The following ING1 variants were observed in gnomAD, a reference collection of about 807,000 sequenced individuals.
ING1 encodes inhibitor of growth protein 1.
ING1 carries 4 observed loss-of-function variants against 23.1 expected under a neutral mutation model. The observed-to-expected ratio is 0.17, with a 90% CI of 0.09 to 0.40. ING1 has a LOEUF of 0.40. Among genes scored for constraint, ING1 ranks in the 10% least tolerant of loss-of-function variants. The pLI, the probability that ING1 is intolerant of heterozygous loss-of-function variation, is 1.00. For synonymous variants in ING1, 179 were observed against 166.4 expected (o/e 1.08, Z -0.58); for missense variants, 256 against 393.8 (o/e 0.65, Z 2.96).
At position 110,722,103 on chromosome 13, in the gene ING1, A is replaced by G. The variant is rs2064176248; in HGVS notation, c.*2171A>G. The G allele has an allele frequency of 6.6e-6, 1 of 152,212 alleles. No homozygotes were observed. The highest frequency in any genetic ancestry group is 2.4e-5 in the African/African-American group (1 of 41,454). 9.4% of individuals were successfully genotyped at this position (152,212 alleles called of 1,614,324 possible). ...TGTGCTGGACATAAGTGTCTGTTTT[A>G]CAGTGAAATTCCATTATAGAGGGTT... On this transcript the variant is annotated 3_prime_UTR_variant, in exon 2 of 2. Coordinates refer to ENST00000333219, the MANE Select transcript of ING1 (RefSeq NM_198219.3).
Position 110,713,784 on chromosome 13 carries a change from C to T in ING1, c.-366C>T, listed in dbSNP as rs1417261447. 1.3e-5 allele frequency: 13 copies of T among 984,734 alleles called. No individual in the cohort carries two copies. The highest frequency in any genetic ancestry group is 8.7e-5 in the African/African-American group (5 of 57,180). 61.0% of individuals were successfully genotyped at this position (984,734 alleles called of 1,614,324 possible). On this transcript the variant is annotated 5_prime_UTR_variant, in exon 1 of 2. Coordinates refer to ENST00000333219, the MANE Select transcript of ING1 (RefSeq NM_198219.3). ...GCCCGCTCCGCTCCTCTCTTCTACC[C>T]AGCCCAGTGGGCGAGTGGGCAGCGG... is the stretch of plus-strand genomic sequence containing the variant.
intron 1 of ING1, among the ~76,000 whole-genome samples, chr13:110,718,778 TA>T (rs2064145005): frequency 6.6e-6 from 1 of 152,108 alleles, no homozygotes; most frequent in South Asian, 2.1e-4. Context: ...CATGTTTATA[TA>T]ATGTTATATG....
In ING1 at chr13:110,715,839, G is replaced by A. The variant is rs749939910; in HGVS notation, c.136+1554G>A. 2.5e-6 allele frequency: 4 copies of A among 1,589,522 alleles called. No individual in the cohort carries two copies. The East Asian group carries it at 6.7e-5, about 27-fold the overall frequency. ...CCCGGCCCCTCTCCCCGCTCAGCCC[G>A]GCCACTTTCGGGCGCGGATTTATAG... On this transcript the variant is annotated intron_variant, in intron 1 of 1. Coordinates refer to ENST00000333219, the MANE Select transcript of ING1 (RefSeq NM_198219.3).
chr13:110,713,881 C>T lies in ING1; in HGVS notation c.-269C>T. On this transcript the variant is annotated 5_prime_UTR_variant, in exon 1 of 2. Coordinates refer to ENST00000333219, the MANE Select transcript of ING1 (RefSeq NM_198219.3). ...CGCGCGGCCCCCGGCGCCAGCCCCG[C>T]CGCCTGAGAGGGGGCCTGCGCCGCC... The T allele has an allele frequency of 1.0e-6, 1 of 981,508 alleles. No homozygotes were observed. The highest frequency in any genetic ancestry group is 1.2e-6 in the Non-Finnish European group (1 of 828,376). The allele number at this position is 981,508 out of a possible 1,614,324, so 60.8% of individuals were successfully genotyped here.
In ING1 at chr13:110,719,503, G is replaced by A. The variant is rs1330053256; in HGVS notation, c.411G>A (p.Glu137=). 2.9e-5 allele frequency: 46 copies of A among 1,611,870 alleles called. No homozygotes were observed. The highest frequency in any genetic ancestry group is 3.8e-5 in the Non-Finnish European group (45 of 1,179,186). The change falls in exon 2 of 2, where the codon GAG becomes GAA. Residue 137 remains glutamate, a synonymous_variant. Transcript: ENST00000333219. The surrounding 1 kb of genome is among the most constrained non-coding windows in gnomAD (Gnocchi z 8.9). ...GKAGADRPKG[E]AAAQADKPNS... ...CTGGCGCGGACAGGCCCAAAGGCGA[G>A]GCGGCAGCGCAGGCTGACAAGCCCA...
upstream of ING1, chr13:110,713,065 G>A (rs1325885460): frequency 6.9e-7 from 1 of 1,454,272 alleles, no homozygotes; most frequent in East Asian, 2.5e-5. Context: ...GCCCGTGCCC[G>A]GCCCTCCCCT....
upstream of ING1, chr13:110,712,976 G>A: frequency 6.4e-7 from 1 of 1,558,152 alleles, no homozygotes; most frequent in African/African-American, 1.4e-5. Context: ...GCCGCGGAAT[G>A]GGTAGGTCTC....
At chr13:110,714,959 A>C (rs1331227591) in intron 1 of ING1, 15 of 972,216 alleles carry the variant, frequency 1.5e-5, no homozygotes, top group Non-Finnish European at 1.8e-5. Flanking sequence ...TGTGTGCCGT[A>C]GGGAAGGGAA....
chr13:110,715,519 G>C lies in ING1; in HGVS notation c.136+1234G>C, dbSNP rs142522461. The C allele has an allele frequency of 1.7e-4, 271 of 1,613,984 alleles. 2 individuals are homozygous for C. Among genetic ancestry groups the C allele is most frequent in the Non-Finnish European group, 2.1e-4 (245 of 1,180,006 alleles). On this transcript the variant is annotated intron_variant, in intron 1 of 1. Transcript: ENST00000333219. ...TGAGGCGGATGAAGGCGGGCCTAGC[G>C]CAATAACTGGTATGGGTCTGTGTTT...
In ING1 at chr13:110,721,122, C is replaced by CA. The variant is rs897304795; in HGVS notation, c.*1191dup. The stretch of plus-strand genomic sequence containing the variant: ...TTGTCTGACTGCTTTTGCAAAACGG[C>CA]AGAGTTCAATAGTTGCACCTGAAAC... On this transcript the variant is annotated 3_prime_UTR_variant, in exon 2 of 2. Transcript: ENST00000333219. 6.0e-6 allele frequency: 1 copy of CA among 166,590 alleles called. No individual in the cohort carries two copies. Among genetic ancestry groups the CA allele is most frequent in the Non-Finnish European group, 1.5e-5 (1 of 68,118 alleles). The allele number at this position is 166,590 out of a possible 1,614,324, so 10.3% of individuals were successfully genotyped here.
chr13:110,715,768 T>TC lies in ING1; in HGVS notation c.136+1486dup, dbSNP rs367936334. The TC allele has an allele frequency of 7.1e-4, 1,129 of 1,586,174 alleles. 10 individuals carry two copies. The African/African-American group carries it at 0.013, about 19-fold the overall frequency. ...CGGCTCTCGGGGTGCGGGGCGAGTC[T>TC]CCCGCTGGCCTCCTCCCCATTGGCT... On this transcript the variant is annotated intron_variant, in intron 1 of 1. Coordinates refer to ENST00000333219, the MANE Select transcript of ING1 (RefSeq NM_198219.3).
upstream of ING1, chr13:110,713,303 C>T (rs1209618509): frequency 1.1e-5 from 13 of 1,220,160 alleles, no homozygotes; most frequent in East Asian, 3.7e-5. Flanking sequence ...TGCTGTGTAC[C>T]ATGGTCTCGG....
At chr13:110,714,588 C>G (rs536184060) in intron 1 of ING1, among the ~76,000 whole-genome samples, 1 of 152,074 alleles carries the variant, frequency 6.6e-6, no homozygotes, top group Admixed American at 6.5e-5. Context: ...GGCGGCGGGT[C>G]CAAGCCGCGT....
intron 1 of ING1, chr13:110,715,323 C>T (rs564351603): frequency 6.9e-6 from 10 of 1,439,296 alleles, no homozygotes; most frequent in Non-Finnish European, 7.3e-6. Flanking sequence ...GTACTAGACG[C>T]CTCTGCCGGG....
At chr13:110,716,871 T>G (rs899470331) in intron 1 of ING1, among the ~76,000 whole-genome samples, 6 of 152,240 alleles carry the variant, frequency 3.9e-5, no homozygotes, top group African/African-American at 7.2e-5. Flanking sequence ...AGCAGTGGTG[T>G]TGTTCCTGTT....
intron 1 of ING1, chr13:110,714,954 G>A (rs1198003480): frequency 1.0e-6 from 1 of 983,878 alleles, no homozygotes; most frequent in African/African-American, 1.7e-5. Context: ...TTCTCTGTGT[G>A]CCGTAGGGAA....
chr13:110,723,011 A>G lies in ING1; in HGVS notation c.*3079A>G, dbSNP rs919384435. On this transcript the variant is annotated 3_prime_UTR_variant, in exon 2 of 2. Transcript: ENST00000333219. ...TTGCTTTTACTTAGATGTTCAATGC[A>G]TATTTGTTGTATAATAACCAAGTTA... 3.3e-5 allele frequency: 5 copies of G among 152,352 alleles called. No homozygotes were observed. The highest frequency in any genetic ancestry group is 9.6e-5 in the African/African-American group (4 of 41,578). The allele number at this position is 152,352 out of a possible 1,614,324, so 9.4% of individuals were successfully genotyped here.
chr13:110,715,419 C>T (rs768844411), intron 1 of ING1: 3 of 1,546,222 alleles, frequency 1.9e-6, no homozygotes, highest in African/African-American at 1.4e-5. Flanking sequence ...AACGTCCCGC[C>T]TCAGCCCCCC....
upstream of ING1, chr13:110,713,050 C>G: frequency 6.8e-7 from 1 of 1,468,456 alleles, no homozygotes; most frequent in Non-Finnish European, 9.0e-7. Context: ...TGCGCCGCCA[C>G]TTCCGCCCGT....
Sources: gnomAD v4.1 joint callset for allele counts (sites outside exome capture counted in the v4.1 genomes callset) on GRCh38, gnomAD v4.1.1 for gene constraint, Gnocchi (gnomAD v3.1) non-coding constraint, MANE v1.5 for transcripts, NCBI Gene and HGNC (gene_info 2026-07-23, HGNC 2026-07-21) for gene names.